SFMBT2: variants seen among roughly 807,000 people sequenced by gnomAD.
SFMBT2 encodes Scm like with four mbt domains 2.
In SFMBT2, 38 loss-of-function variants were observed where a neutral mutation model predicts 110.1. The observed-to-expected ratio is 0.35, with a 90% CI of 0.27 to 0.45. The LOEUF (loss-of-function observed/expected upper bound fraction) is 0.45. SFMBT2 is among the 20% of genes least tolerant of loss of function. The probability of loss-of-function intolerance (pLI) is 1.00; values close to 1 mark genes in which losing one functional copy is unlikely to be tolerated. For synonymous variants in SFMBT2, 425 were observed against 425.4 expected, an observed-to-expected ratio of 1.00 and a Z score of 0.01; for missense variants, 1,011 against 1,094.9, an observed-to-expected ratio of 0.92 and a Z score of 1.08.
rs901739179 is a variant in SFMBT2 at position 7,170,827 on chromosome 10, C to T, written c.2544+101G>A. ...ACACCTGCCGAGCAGCGCCGAAGAACCCCCTCGCAGGTGTCACGAGGAAGC... is the reference window on the plus strand; with the variant it reads ...ACACCTGCCGAGCAGCGCCGAAGAATCCCCTCGCAGGTGTCACGAGGAAGC... On this transcript the variant is annotated intron_variant, in intron 20 of 20. Coordinates refer to ENST00000397167, the MANE Select transcript of SFMBT2 (RefSeq NM_001387889.1). This position sits in a 1 kb window ranked among gnomAD's most constrained non-coding sequence, Gnocchi z 4.6. The T allele has an allele frequency of 1.4e-6, 2 of 1,432,298 alleles. No individual in the cohort carries two copies. The highest frequency in any genetic ancestry group is 2.8e-5 in the African/African-American group (2 of 71,508). The allele number at this position is 1,432,298 out of a possible 1,614,324, so 88.7% of individuals were successfully genotyped here.
intron 1 of SFMBT2, among the ~76,000 whole-genome samples, chr10:7,393,723 T>C (rs1202250600): frequency 7.2e-5 from 11 of 152,206 alleles, no homozygotes; most frequent in Non-Finnish European, 1.0e-4. Context: ...GTTCTGCTAA[T>C]GGGAGGTGTA....
chr10:7,179,391 G>GAAAAAAAA (rs57497418), intron 16 of SFMBT2, among the ~76,000 whole-genome samples: 46 of 70,314 alleles, frequency 6.5e-4, no homozygotes, highest in Middle Eastern at 0.013. Flanking sequence ...TTGCATTTTC[G>GAAAAAAAA]AAAAAAAAAA....
rs1839139657 is a variant in SFMBT2 at position 7,206,429 on chromosome 10, G to A, written c.1331-501C>T. Reference sequence around the variant, plus strand: ...AGAAAGTCAAGCATCACAGCTAAACGGAACCAGTCAAACTCAAAAACAAGG... The same window carrying A: ...AGAAAGTCAAGCATCACAGCTAAACAGAACCAGTCAAACTCAAAAACAAGG... On this transcript the variant is annotated intron_variant, in intron 11 of 20. Transcript: ENST00000397167. The A allele has an allele frequency of 5.1e-6, 5 of 985,380 alleles. No individual in the cohort carries two copies. The South Asian group carries it at 1.4e-4, about 28-fold the overall frequency. 61.0% of individuals were successfully genotyped at this position (985,380 alleles called of 1,614,324 possible). A position where few individuals can be genotyped will look rare whatever the true frequency, so the allele number is the denominator to read the frequency against.
Position 7,192,675 on chromosome 10 carries a change from C to T in SFMBT2, c.1699-3942G>A, listed in dbSNP as rs148765179. ...GGGCAGAAATCGAAACCGTAAATAA[C>T]AGCTGAGGCCAAATCCCAAACCGCC... On this transcript the variant is annotated intron_variant, in intron 15 of 20. Coordinates refer to ENST00000397167, the MANE Select transcript of SFMBT2 (RefSeq NM_001387889.1). 1.5e-3 allele frequency among the ~76,000 whole-genome samples: 226 copies of T among 152,294 alleles called. 2 individuals carry two copies. The highest frequency in any genetic ancestry group is 4.7e-3 in the African/African-American group (197 of 41,568).
intron 11 of SFMBT2, among the ~76,000 whole-genome samples, chr10:7,208,686 CAAAAA>C (rs5782957): frequency 0.43 from 61,044 of 140,352 alleles, 13,144 homozygotes; most frequent in Middle Eastern, 0.6. Context: ...AATTCCATCT[CAAAAA>C]AAAAAAAAAG....
intron 6 of SFMBT2, among the ~76,000 whole-genome samples, chr10:7,281,326 G>C (rs901757721): frequency 6.6e-6 from 1 of 152,164 alleles, no homozygotes; most frequent in Middle Eastern, 3.2e-3. Context: ...GGAGTGCAGA[G>C]CAGATGGTCC....
chr10:7,221,711 T>C (rs769069164), intron 10 of SFMBT2, among the ~76,000 whole-genome samples: 1 of 152,244 alleles, frequency 6.6e-6, no homozygotes, highest in African/African-American at 2.4e-5. Context: ...TTTTTGTTTA[T>C]TGCTAATTTT....
At chr10:7,181,537 C>G (rs1406350739) in intron 16 of SFMBT2, among the ~76,000 whole-genome samples, 1 of 152,088 alleles carries the variant, frequency 6.6e-6, no homozygotes, top group Admixed American at 6.5e-5. Flanking sequence ...GAGATTGTTT[C>G]AAAAGCACTT....
At chr10:7,200,521 A>G (rs1487750978) in intron 13 of SFMBT2, 37 bp from the exon 14 acceptor site, 2 of 1,542,980 alleles carry the variant, frequency 1.3e-6, no homozygotes, top group Non-Finnish European at 1.8e-6. Context: ...AGGGACCACA[A>G]GCTTTAGAAG....
chr10:7,241,282 G>GAGAACAGACTAGTACACTGAACTA, intron 9 of SFMBT2: 2 of 954,496 alleles, frequency 2.1e-6, no homozygotes, highest in Non-Finnish European at 2.5e-6. Context: ...TGAGCAGCAT[G>GAGAACAGACTAGTACACTGAACTA]AGAACAGACT....
At position 7,288,589 on chromosome 10, in the gene SFMBT2, C is replaced by T. The variant is rs184053457; in HGVS notation, c.437-2635G>A. On this transcript the variant is annotated intron_variant, in intron 4 of 20. Coordinates refer to ENST00000397167, the MANE Select transcript of SFMBT2 (RefSeq NM_001387889.1). Reference sequence around the variant, plus strand: ...TCTTGCATGTCTAGGGTCACTGAGACGAAAACAAGATATACAAGCCAAATG... The same window carrying T: ...TCTTGCATGTCTAGGGTCACTGAGATGAAAACAAGATATACAAGCCAAATG... Among the ~76,000 whole-genome samples the T allele has an allele frequency of 5.5e-4, 83 of 152,246 alleles. No homozygotes were observed. The East Asian group carries it at 8.5e-3, about 16-fold the overall frequency.
intron 3 of SFMBT2, chr10:7,368,236 G>T: frequency 1.6e-6 from 1 of 640,628 alleles, no homozygotes; most frequent in South Asian, 6.9e-5. Context: ...AACCTGGTGT[G>T]TATTCTACAC....
chr10:7,381,974 A>T, intron 1 of SFMBT2, 25 bp from the exon 2 acceptor site: 2 of 1,383,382 alleles, frequency 1.4e-6, no homozygotes, highest in East Asian at 4.8e-5. Context: ...AAAAAAAAAA[A>T]TCAGAGCAGT....
intron 4 of SFMBT2, among the ~76,000 whole-genome samples, chr10:7,326,154 A>G (rs1264834649): frequency 6.6e-6 from 1 of 152,230 alleles, no homozygotes; most frequent in Non-Finnish European, 1.5e-5. Flanking sequence ...CAAACAAAAG[A>G]GCCATCTTCA....
At chr10:7,318,422 G>A (rs1294483812) in intron 4 of SFMBT2, among the ~76,000 whole-genome samples, 1 of 152,124 alleles carries the variant, frequency 6.6e-6, no homozygotes, top group African/African-American at 2.4e-5. Context: ...CCTCTTTGGA[G>A]GTGATATTGT....
intron 16 of SFMBT2, among the ~76,000 whole-genome samples, chr10:7,186,457 C>CACAT (rs1554782963): frequency 9.1e-6 from 1 of 110,378 alleles, no homozygotes; most frequent in South Asian, 2.4e-4. Flanking sequence ...CACACACACA[C>CACAT]ACATATATAT....
At chr10:7,332,952 C>T (rs1201912554) in intron 4 of SFMBT2, among the ~76,000 whole-genome samples, 3 of 151,876 alleles carry the variant, frequency 2.0e-5, no homozygotes, top group Admixed American at 6.5e-5. Flanking sequence ...CTGCAACCTC[C>T]GCCTCCTGGG....
In SFMBT2 at chr10:7,163,123, C is replaced by CAACAAACAAACAAACA. The variant is rs59930811; in HGVS notation, c.*631_*646dup. 468 of 160,746 alleles carry CAACAAACAAACAAACA rather than the reference C, an allele frequency of 2.9e-3. 6 individuals carry two copies. Among genetic ancestry groups the CAACAAACAAACAAACA allele is most frequent in the African/African-American group, 7.4e-3 (305 of 41,102 alleles). 10.0% of individuals were successfully genotyped at this position (160,746 alleles called of 1,614,324 possible). ...GTCTCAAAAAACACAACAAAATGAA[C>CAACAAACAAACAAACA]AACAAACAAACAAACAAACAAACAA... On this transcript the variant is annotated 3_prime_UTR_variant, in exon 21 of 21. Transcript: ENST00000397167. The surrounding 1 kb of genome is among the most constrained non-coding windows in gnomAD (Gnocchi z 4.8).
intron 15 of SFMBT2, among the ~76,000 whole-genome samples, chr10:7,196,496 T>C (rs950697440): frequency 5.3e-5 from 8 of 152,238 alleles, no homozygotes; most frequent in Admixed American, 4.6e-4. Flanking sequence ...CCCAGGACAC[T>C]GTGTTCCTGC....
Sources: gnomAD v4.1 joint callset for allele counts (sites outside exome capture counted in the v4.1 genomes callset) on GRCh38, gnomAD v4.1.1 for gene constraint, Gnocchi (gnomAD v3.1) non-coding constraint, MANE v1.5 for transcripts, NCBI Gene and HGNC (gene_info 2026-07-23, HGNC 2026-07-21) for gene names.